HELZ: variants seen among roughly 807,000 people sequenced by gnomAD.
HELZ encodes helicase with zinc finger.
A neutral mutation model predicts 218.2 loss-of-function variants in HELZ; 23 were observed. The ratio of observed to expected loss-of-function variants is 0.11; its 90% confidence interval spans 0.08 to 0.15. HELZ has a LOEUF of 0.15. HELZ is among the 10% of genes least tolerant of loss of function. HELZ has a pLI of 1.00. For missense variants in HELZ, 1,813 were observed against 2,353.7 expected, an observed-to-expected ratio of 0.77 and a Z score of 4.75; for synonymous variants, 814 against 829.4, an observed-to-expected ratio of 0.98 and a Z score of 0.32.
intron 21 of HELZ, among the ~76,000 whole-genome samples, chr17:67,144,791 T>C (rs2144003181): frequency 6.6e-6 from 1 of 152,108 alleles, no homozygotes; most frequent in Middle Eastern, 3.4e-3. Flanking sequence ...CCAACTTGAG[T>C]GCAAAAACGA....
intron 28 of HELZ, 31 bp from the exon 29 acceptor site, chr17:67,109,717 G>T: frequency 1.3e-6 from 2 of 1,525,634 alleles, no homozygotes; most frequent in South Asian, 1.2e-5. Flanking sequence ...TTTTTTAACT[G>T]CAGAAGATTC....
intron 3 of HELZ, chr17:67,225,450 A>G (rs62074267): frequency 0.14 from 21,275 of 154,304 alleles, 1,998 homozygotes; most frequent in Non-Finnish European, 0.21. Flanking sequence ...GTAAAAACTC[A>G]AAGTCCAGCA....
At chr17:67,206,393 T>C (rs565616606) in intron 5 of HELZ, among the ~76,000 whole-genome samples, 2 of 152,334 alleles carry the variant, frequency 1.3e-5, no homozygotes, top group East Asian at 3.9e-4. Context: ...AAAGGAGTAA[T>C]ATTCATTCAA....
rs866310390 is a variant in HELZ at position 67,167,765 on chromosome 17, C to T, written c.1462G>A (p.Ala488Thr). ...FNLKVQLQILASFMLTGVSGG... is the reference protein window; with the variant it reads ...FNLKVQLQILTSFMLTGVSGG... ...GAAACACCAGTGAGCATGAAGCTTGCCAGAATCTGCAATTGCACTTTAAGG... is the reference window on the plus strand; with the variant it reads ...GAAACACCAGTGAGCATGAAGCTTGTCAGAATCTGCAATTGCACTTTAAGG... Residue 488 changes from alanine to threonine, a missense_variant, in exon 14 of 33, where the codon GCA becomes ACA. By Grantham distance (58) the Ala-to-Thr change is moderately conservative. Coordinates refer to ENST00000358691, the MANE Select transcript of HELZ (RefSeq NM_014877.4). The T allele has an allele frequency of 6.2e-7, 1 of 1,610,558 alleles. No individual in the cohort carries two copies. Among genetic ancestry groups the T allele is most frequent in the African/African-American group, 1.3e-5 (1 of 74,848 alleles).
At chr17:67,157,615 T>C (rs1400250764) in intron 17 of HELZ, among the ~76,000 whole-genome samples, 2 of 152,142 alleles carry the variant, frequency 1.3e-5, no homozygotes, top group Non-Finnish European at 2.9e-5. Context: ...GTAATACCAA[T>C]TAAGGAATTT....
intron 31 of HELZ, among the ~76,000 whole-genome samples, chr17:67,104,326 C>A (rs1298379529): frequency 6.6e-6 from 1 of 151,452 alleles, no homozygotes; most frequent in African/African-American, 2.4e-5. Flanking sequence ...GTAGTTCCAG[C>A]TATTCCGGAG....
chr17:67,135,281 G>A (rs1287450334), intron 23 of HELZ, among the ~76,000 whole-genome samples: 1 of 152,142 alleles, frequency 6.6e-6, no homozygotes, highest in Non-Finnish European at 1.5e-5. Flanking sequence ...CCTTGAGAGA[G>A]CAAGACTACA....
At chr17:67,196,566 TTAGTTGGA>T (rs1348493004) in intron 7 of HELZ, among the ~76,000 whole-genome samples, 10 of 150,280 alleles carry the variant, frequency 6.7e-5, no homozygotes, top group South Asian at 6.4e-4. Flanking sequence ...AGATGGTTGG[TTAGTTGGA>T]TGGATGGATG....
At chr17:67,153,880 T>C (rs938665213) in intron 17 of HELZ, among the ~76,000 whole-genome samples, 1 of 152,254 alleles carries the variant, frequency 6.6e-6, no homozygotes, top group African/African-American at 2.4e-5. Flanking sequence ...AGTCATCATA[T>C]GGAACAAAAG....
intron 31 of HELZ, among the ~76,000 whole-genome samples, chr17:67,093,437 C>CA (rs1017185844): frequency 1.3e-5 from 2 of 152,026 alleles, no homozygotes; most frequent in Non-Finnish European, 2.9e-5. Flanking sequence ...AGAAAATTAT[C>CA]AAAAAAGATT....
intron 4 of HELZ, 105 bp from the exon 5 acceptor site, chr17:67,216,040 T>A (rs2040591289): frequency 4.1e-6 from 3 of 723,234 alleles, no homozygotes; most frequent in Non-Finnish European, 7.5e-6. Context: ...TAATCATTAA[T>A]GTTGTAAACT....
chr17:67,238,308 CT>C (rs1462580173), intron 3 of HELZ, among the ~76,000 whole-genome samples: 7 of 137,704 alleles, frequency 5.1e-5, no homozygotes, highest in Non-Finnish European at 9.3e-5. Flanking sequence ...GATTGCACCA[CT>C]GCACTCCAGC....
In HELZ at chr17:67,074,082, A is replaced by T. The variant is rs1306038826; in HGVS notation, c.*4170T>A. On this transcript the variant is annotated 3_prime_UTR_variant, in exon 33 of 33. Coordinates refer to ENST00000358691, the MANE Select transcript of HELZ (RefSeq NM_014877.4). ...CGGTTTGAATGTGGATCAGATGGCA[A>T]AGAGTGGAGACAAATCAGATCCATT... 6.6e-6 allele frequency: 1 copy of T among 152,194 alleles called. No homozygotes were observed. The highest frequency in any genetic ancestry group is 1.5e-5 in the Non-Finnish European group (1 of 67,996). 9.4% of individuals were successfully genotyped at this position (152,194 alleles called of 1,614,324 possible). A position where few individuals can be genotyped will look rare whatever the true frequency, so the allele number is the denominator to read the frequency against.
chr17:67,179,873 G>A (rs775283388), intron 12 of HELZ: 9 of 152,126 alleles, frequency 5.9e-5, no homozygotes, highest in Non-Finnish European at 1.3e-4. Flanking sequence ...ACAAAGATCA[G>A]TCTCCAAAGT....
intron 5 of HELZ, 134 bp downstream of exon 5, chr17:67,215,765 C>A: frequency 1.5e-6 from 1 of 689,214 alleles, no homozygotes; most frequent in Non-Finnish European, 2.6e-6. Flanking sequence ...ATGTCATCAT[C>A]CAAATCAGTC....
In HELZ at chr17:67,151,071, G is replaced by A. The variant is rs1280290255; in HGVS notation, c.2331C>T (p.Tyr777=). Residue 777 remains tyrosine, a synonymous_variant, in exon 18 of 33, where the codon TAC becomes TAT. Coordinates refer to ENST00000358691, the MANE Select transcript of HELZ (RefSeq NM_014877.4). ...VVVVTLNTSQ[Y]LCQLDLEPGF... ...CAGGTTCAAGGTCCAACTGACAGAG[G>A]TACTGGGAAGTATTCAAGGTAACAA... The A allele has an allele frequency of 8.7e-6, 14 of 1,613,730 alleles. No homozygotes were observed. Among genetic ancestry groups the A allele is most frequent in the Non-Finnish European group, 1.1e-5 (13 of 1,179,824 alleles).
chr17:67,086,741 T>C (rs762784430), intron 32 of HELZ, 88 bp downstream of exon 32: 5 of 1,380,338 alleles, frequency 3.6e-6, no homozygotes, highest in African/African-American at 2.9e-5. Context: ...ATAATGCAAA[T>C]TGGGGGCAGG....
upstream of HELZ, chr17:67,245,496 C>T (rs921668499): frequency 2.0e-6 from 2 of 985,726 alleles, no homozygotes; most frequent in Non-Finnish European, 2.4e-6. Context: ...GCAGACGCCC[C>T]GCGTCTGCAT....
chr17:67,224,665 A>C (rs1198494301), intron 3 of HELZ: 7 of 686,762 alleles, frequency 1.0e-5, no homozygotes, highest in African/African-American at 3.6e-5. Context: ...AGTGTGATAT[A>C]TGATTCTTCT....
Sources: allele counts gnomAD v4.1 joint callset (sites outside exome capture counted in the v4.1 genomes callset), GRCh38; gene constraint gnomAD v4.1.1; transcripts MANE v1.5; gene names NCBI Gene and HGNC (gene_info 2026-07-23, HGNC 2026-07-21).